The following BCAT2 variants were observed in gnomAD, a reference collection of about 807,000 sequenced individuals.
BCAT2 encodes branched chain amino acid transaminase 2.
BCAT2 carries 44 observed loss-of-function variants against 52.9 expected under a neutral mutation model. The ratio of observed to expected loss-of-function variants is 0.83; its 90% CI spans 0.65 to 1.07. The LOEUF is 1.07. Among genes scored for constraint, BCAT2 ranks in the 50% least tolerant of loss-of-function variants. BCAT2 has a pLI of 0.00. For missense variants in BCAT2, 478 were observed against 521.8 expected (o/e 0.92, Z 0.82); for synonymous variants, 215 against 217.1 (o/e 0.99, Z 0.08).
rs1390598987 is a variant in BCAT2, at chr19:48,799,883, C to A, written c.532-45G>T. 1.9e-6 allele frequency: 3 copies of A among 1,582,416 alleles called. No individual in the cohort carries two copies. Among genetic ancestry groups the A allele is most frequent in the African/African-American group, 1.4e-5 (1 of 74,028 alleles). On this transcript the variant is annotated intron_variant, in intron 5 of 10. Transcript: ENST00000316273. This position sits in a 1 kb window ranked among gnomAD's most constrained non-coding sequence, Gnocchi z 5.5. ...AGCGTCAGGAGTCCAGGCCCCCAGT[C>A]CCTTCCCGTCCCCAGGCCCAGGCCT...
chr19:48,800,314 G>A lies in BCAT2; in HGVS notation c.301-17C>T, dbSNP rs774232146. 1.1e-5 allele frequency: 18 copies of A among 1,610,386 alleles called. No homozygotes were observed. In the Admixed American group the frequency reaches 3.0e-4, roughly 27 times the overall value. The stretch of plus-strand genomic sequence containing the variant: ...CTCAAACAGCTGCGGGGACACGCGG[G>A]TGGGGAGGCTCAGAGACTTCTCCAG... On this transcript the variant is annotated splice_polypyrimidine_tract_variant and intron_variant, in intron 3 of 10. Coordinates refer to ENST00000316273, the MANE Select transcript of BCAT2 (RefSeq NM_001190.4).
chr19:48,795,860 C>T (rs2034497419), intron 10 of BCAT2: 1 of 300,048 alleles, frequency 3.3e-6, no homozygotes, highest in Non-Finnish European at 6.3e-6. Context: ...GATGGGAATA[C>T]CCCCAGAGAT....
chr19:48,805,486 G>A (rs1413649388), intron 3 of BCAT2, among the ~76,000 whole-genome samples: 4 of 152,008 alleles, frequency 2.6e-5, no homozygotes, highest in Admixed American at 2.6e-4. Flanking sequence ...CTCCTCCATG[G>A]CCCTGACATT....
chr19:48,806,665 G>A lies in BCAT2; in HGVS notation c.152C>T (p.Pro51Leu), dbSNP rs2034789579. 1.2e-6 allele frequency: 2 copies of A among 1,614,028 alleles called. No homozygotes were observed. Among genetic ancestry groups the A allele is most frequent in the Non-Finnish European group, 1.7e-6 (2 of 1,180,036 alleles). ...MTQKPHKKPG[P>L]GEPLVFGKTF... is the part of the protein sequence containing the mutation. ...CTTCCCAAACACCAGGGGCTCGCCG[G>A]GGCCAGGCTTCTTATGAGGCTTCTG... Residue 51 changes from proline to leucine, a missense_variant, in exon 3 of 11, where the codon CCC (proline) becomes CTC (leucine). By Grantham distance (98) the Pro-to-Leu change is moderately conservative (BLOSUM62 -3). Transcript: ENST00000316273.
In BCAT2 at chr19:48,800,023, G is replaced by A. The variant is rs377190765; in HGVS notation, c.489C>T (p.Ala163=). 3.1e-6 allele frequency: 5 copies of A among 1,613,452 alleles called. No homozygotes were observed. The highest frequency in any genetic ancestry group is 1.7e-5 in the Admixed American group (1 of 59,994). The stretch of plus-strand genomic sequence containing the variant: ...CAGGCCGCACATAGAGGCTGGTGCC[G>A]GCGGCATCGGGGACCCAGTCCTTGT... ...EVDKDWVPDA[A]GTSLYVRPVL... is the part of the protein sequence containing the mutation. Residue 163 remains alanine (A), a synonymous_variant, in exon 5 of 11, where the codon GCC becomes GCT. Coordinates refer to ENST00000316273, the MANE Select transcript of BCAT2 (RefSeq NM_001190.4).
chr19:48,796,650 G>A lies in BCAT2; in HGVS notation c.993C>T (p.Arg331=), dbSNP rs762992669. Residue 331 remains arginine (R), a synonymous_variant, in exon 9 of 11, where the codon CGC becomes CGT. Transcript: ENST00000316273. ...TGCCCGAGCCAAAGACTTCCCGCAC[G>A]CGGCCCTCCTCCAGGGCCCGCAGCA... ...KQLLRALEEG[R]VREVFGSGTA... 3.7e-6 allele frequency: 6 copies of A among 1,613,482 alleles called. No individual in the cohort carries two copies. The highest frequency in any genetic ancestry group is 1.3e-5 in the African/African-American group (1 of 74,904).
In BCAT2 at chr19:48,806,666, G is replaced by A. The variant is rs760944625; in HGVS notation, c.151C>T (p.Pro51Ser). The part of the protein sequence containing the change: ...MTQKPHKKPG[P>S]GEPLVFGKTF... ...TTCCCAAACACCAGGGGCTCGCCGG[G>A]GCCAGGCTTCTTATGAGGCTTCTGT... Residue 51 changes from proline (P) to serine (S), a missense_variant, in exon 3 of 11, where the codon CCC (proline) becomes TCC (serine). Physicochemically the swap from Pro to Ser is moderately conservative, Grantham distance 74 (BLOSUM62 -1). Coordinates refer to ENST00000316273, the MANE Select transcript of BCAT2 (RefSeq NM_001190.4). 1 of 1,613,902 alleles carries A rather than the reference G, an allele frequency of 6.2e-7. No homozygotes were observed. The highest frequency in any genetic ancestry group is 1.1e-5 in the South Asian group (1 of 91,092).
chr19:48,805,280 C>T (rs961561135), intron 3 of BCAT2, among the ~76,000 whole-genome samples: 1 of 152,096 alleles, frequency 6.6e-6, no homozygotes, highest in Non-Finnish European at 1.5e-5. Flanking sequence ...GCCACAAAGC[C>T]GCTCCTCCTC....
In BCAT2 at chr19:48,807,139, C is replaced by T. The variant is rs980982514; in HGVS notation, c.25-65G>A. 2.7e-5 allele frequency: 37 copies of T among 1,385,732 alleles called. No individual in the cohort carries two copies. In the Admixed American group the frequency reaches 2.7e-4, roughly 10 times the overall value. The allele number at this position is 1,385,732 out of a possible 1,614,324, so 85.8% of individuals were successfully genotyped here. On this transcript the variant is annotated intron_variant, in intron 1 of 10. Coordinates refer to ENST00000316273, the MANE Select transcript of BCAT2 (RefSeq NM_001190.4). The surrounding 1 kb of genome is among the most constrained non-coding windows in gnomAD (Gnocchi z 4.6). ...ACAGCAGGGGCCCTGGCAGCTCGCTCGCCACCTCCTGCACTTGGAGGTCCC... is the reference window on the plus strand; with the variant it reads ...ACAGCAGGGGCCCTGGCAGCTCGCTTGCCACCTCCTGCACTTGGAGGTCCC...
chr19:48,801,689 C>T (rs2034660650), intron 3 of BCAT2, among the ~76,000 whole-genome samples: 1 of 152,064 alleles, frequency 6.6e-6, no homozygotes. Context: ...GTTGCCCAGG[C>T]TGAAGTGCTC....
At chr19:48,801,070 C>G (rs2034647399) in intron 3 of BCAT2, among the ~76,000 whole-genome samples, 1 of 152,088 alleles carries the variant, frequency 6.6e-6, no homozygotes, top group African/African-American at 2.4e-5. Context: ...TGATTGCAAC[C>G]TCCGCCTCCC....
rs376034825 is a variant in BCAT2, at chr19:48,796,407, C to T, written c.1140+21G>A. On this transcript the variant is annotated intron_variant, in intron 10 of 10. Transcript: ENST00000316273. Reference sequence around the variant, plus strand: ...CCAGGGAACAAGCTCCCAGCCCATTCCCCAGCTCCCTGCAGCTCACCTGGA... The same window carrying T: ...CCAGGGAACAAGCTCCCAGCCCATTTCCCAGCTCCCTGCAGCTCACCTGGA... 1.7e-5 allele frequency: 27 copies of T among 1,613,976 alleles called. No homozygotes were observed. In the African/African-American group the frequency reaches 2.9e-4, roughly 18 times the overall value.
intron 6 of BCAT2, among the ~76,000 whole-genome samples, chr19:48,798,147 C>T (rs201886755): frequency 7.9e-5 from 12 of 151,068 alleles, no homozygotes; most frequent in South Asian, 2.1e-4. Context: ...TCAAGTGATC[C>T]GCCTACCTCG....
rs2122660713 is a variant in BCAT2, at chr19:48,799,221, C to G, written c.695+454G>C. 1 of 155,888 alleles carries G rather than the reference C, an allele frequency of 6.4e-6. No homozygotes were observed. The highest frequency in any genetic ancestry group is 2.4e-5 in the African/African-American group (1 of 41,724). The allele number at this position is 155,888 out of a possible 1,614,324, so 9.7% of individuals were successfully genotyped here. On this transcript the variant is annotated intron_variant, in intron 6 of 10. Coordinates refer to ENST00000316273, the MANE Select transcript of BCAT2 (RefSeq NM_001190.4). This position sits in a 1 kb window ranked among gnomAD's most constrained non-coding sequence, Gnocchi z 5.5. ...GAGACCCAGCTGTCTCCTTCCTGCC[C>G]TGCTGAGCTGAGGCCACTGGGAGAC...
rs1225723546 is a variant in BCAT2 at position 48,796,223 on chromosome 19, C to T, written c.1140+205G>A. On this transcript the variant is annotated intron_variant, in intron 10 of 10. Transcript: ENST00000316273. ...AGACATATCCAGGGCTCCGGGAGCTCCCAGGAAAGGGTGATTTAGCCCCAA... is the reference window on the plus strand; with the variant it reads ...AGACATATCCAGGGCTCCGGGAGCTTCCAGGAAAGGGTGATTTAGCCCCAA... The T allele has an allele frequency of 4.7e-6, 3 of 638,630 alleles. No individual in the cohort carries two copies. In the Admixed American group the frequency reaches 9.2e-5, roughly 20 times the overall value. The allele number at this position is 638,630 out of a possible 1,614,324, so 39.6% of individuals were successfully genotyped here. A position where few individuals can be genotyped will look rare whatever the true frequency, so the allele number is the denominator to read the frequency against.
intron 3 of BCAT2, among the ~76,000 whole-genome samples, chr19:48,806,295 C>G (rs1447640853): frequency 6.6e-6 from 1 of 151,304 alleles, no homozygotes; most frequent in Non-Finnish European, 1.5e-5. Flanking sequence ...ATGCCCACAG[C>G]ATGGGGTTTT....
intron 3 of BCAT2, among the ~76,000 whole-genome samples, chr19:48,800,694 C>T (rs1336067361): frequency 6.6e-6 from 1 of 152,126 alleles, no homozygotes; most frequent in African/African-American, 2.4e-5. Flanking sequence ...TGACTGGAGT[C>T]CCAGGTATTT....
intron 1 of BCAT2, among the ~76,000 whole-genome samples, chr19:48,808,839 A>C (rs992108858): frequency 5.3e-5 from 8 of 151,418 alleles, no homozygotes; most frequent in African/African-American, 1.7e-4. Context: ...TTTAGGAGAC[A>C]GAGGTGGGAG....
chr19:48,810,735 C>CTT, intron 1 of BCAT2: 1 of 937,362 alleles, frequency 1.1e-6, no homozygotes, highest in Non-Finnish European at 1.4e-6. Context: ...ACCATGTTTC[C>CTT]CTTTTTTTTT....
Sources: allele counts gnomAD v4.1 joint callset (sites outside exome capture counted in the v4.1 genomes callset), GRCh38; gene constraint gnomAD v4.1.1; non-coding constraint Gnocchi (gnomAD v3.1); transcripts MANE v1.5; gene names NCBI Gene and HGNC (gene_info 2026-07-23, HGNC 2026-07-21).